The following PIK3C2A variants were observed in gnomAD, a reference collection of about 807,000 sequenced individuals.
PIK3C2A encodes the protein phosphatidylinositol-4-phosphate 3-kinase catalytic subunit type 2 alpha.
PIK3C2A carries 97 observed loss-of-function variants against 204.5 expected under a neutral mutation model. The observed-to-expected ratio is 0.47, with a 90% CI of 0.40 to 0.56. The LOEUF is 0.56. Ranked by LOEUF, PIK3C2A falls within the 20% of genes least tolerant of loss-of-function variation. PIK3C2A has a pLI of 0.00. For synonymous variants in PIK3C2A, 653 were observed against 664.4 expected (o/e 0.98, Z 0.26); for missense variants, 1,735 against 1,969.2 (o/e 0.88, Z 2.25).
At chr11:17,091,793 T>C (rs1848318037) in intron 30 of PIK3C2A, 137 bp from the exon 31 acceptor site, 1 of 666,418 alleles carries the variant, frequency 1.5e-6, no homozygotes, top group Non-Finnish European at 2.6e-6. Context: ...AACAACCTGA[T>C]AGGTCATTGA....
intron 12 of PIK3C2A, among the ~76,000 whole-genome samples, chr11:17,130,883 G>T (rs1021940494): frequency 1.3e-5 from 2 of 151,452 alleles, no homozygotes; most frequent in African/African-American, 4.9e-5. Flanking sequence ...CTTGTACATG[G>T]ATTTAAGATA....
intron 1 of PIK3C2A, among the ~76,000 whole-genome samples, chr11:17,170,046 C>G (rs760054601): frequency 7.2e-5 from 11 of 152,174 alleles, no homozygotes; most frequent in Non-Finnish European, 1.3e-4. Flanking sequence ...AACTGGAAAG[C>G]TGGCACAGTA....
rs1408176510 is a variant in PIK3C2A at position 17,119,793 on chromosome 11, C to A, written c.2839G>T (p.Asp947Tyr). The change falls in exon 16 of 33, where the codon GAT (aspartate) becomes TAT (tyrosine). Residue 947 changes from aspartate (D) to tyrosine (Y), a missense_variant. Physicochemically the swap from Asp to Tyr is radical, Grantham distance 160 (BLOSUM62 -3). This residue lies in a region of PIK3C2A where 567 missense variants were observed against 576.0 expected (regional missense o/e 0.98). Transcript: ENST00000691414. ...LYPLIALELLDSKFADQEVRS... is the reference protein window; with the variant it reads ...LYPLIALELLYSKFADQEVRS... ...TAAATGTATTTGACTTACTTTGAATCAAGAAGTTCCAATGCAATTAGTGGG... is the reference window on the plus strand; with the variant it reads ...TAAATGTATTTGACTTACTTTGAATAAAGAAGTTCCAATGCAATTAGTGGG... 6.5e-7 allele frequency: 1 copy of A among 1,535,944 alleles called. No homozygotes were observed. Among genetic ancestry groups the A allele is most frequent in the Non-Finnish European group, 8.7e-7 (1 of 1,144,344 alleles).
chr11:17,145,302 C>T (rs528061169), intron 8 of PIK3C2A, among the ~76,000 whole-genome samples: 65 of 152,254 alleles, frequency 4.3e-4, no homozygotes, highest in African/African-American at 1.5e-3. Context: ...ATAATCCCCA[C>T]GTGTCAAGGG....
intron 3 of PIK3C2A, among the ~76,000 whole-genome samples, chr11:17,150,962 C>T (rs1314889617): frequency 6.6e-6 from 1 of 152,180 alleles, no homozygotes; most frequent in African/African-American, 2.4e-5. Flanking sequence ...GCTTAAAAAT[C>T]TTTTGCCACA....
intron 21 of PIK3C2A, among the ~76,000 whole-genome samples, chr11:17,111,021 C>A (rs901743716): frequency 1.3e-5 from 2 of 152,082 alleles, no homozygotes; most frequent in Non-Finnish European, 2.9e-5. Context: ...GATTCTCCTG[C>A]CTCAGCCTCC....
chr11:17,203,670 C>A (rs1310988812), intron 1 of PIK3C2A, among the ~76,000 whole-genome samples: 4 of 152,012 alleles, frequency 2.6e-5, no homozygotes, highest in African/African-American at 7.3e-5. Context: ...GCCTCTAGAT[C>A]TTTTTTGTGG....
intron 12 of PIK3C2A, 89 bp downstream of exon 12, chr11:17,131,827 G>T: frequency 1.0e-6 from 1 of 975,894 alleles, no homozygotes; most frequent in Non-Finnish European, 1.6e-6. Flanking sequence ...AATGAAAATT[G>T]CAATAAAAAT....
At chr11:17,121,845 C>T (rs531822503) in intron 15 of PIK3C2A, among the ~76,000 whole-genome samples, 154 of 151,806 alleles carry the variant, frequency 1.0e-3, no homozygotes, top group African/African-American at 3.5e-3. Context: ...AAGTTCCTTA[C>T]GGTTAAAAAA....
intron 19 of PIK3C2A, among the ~76,000 whole-genome samples, chr11:17,116,691 G>A (rs1849204970): frequency 6.6e-6 from 1 of 151,668 alleles, no homozygotes. Context: ...CCGGGTTCAC[G>A]CCATTCTCCT....
intron 24 of PIK3C2A, among the ~76,000 whole-genome samples, chr11:17,101,949 A>T (rs1394152133): frequency 1.3e-5 from 2 of 152,134 alleles, no homozygotes; most frequent in Non-Finnish European, 2.9e-5. Context: ...TAATCTCATT[A>T]TTTAGAGAGA....
chr11:17,089,541 A>C lies in PIK3C2A; in HGVS notation c.*197T>G, dbSNP rs1848235203. 2 of 477,900 alleles carry C rather than the reference A, an allele frequency of 4.2e-6. No homozygotes were observed. Among genetic ancestry groups the C allele is most frequent in the Non-Finnish European group, 3.7e-6 (1 of 270,108 alleles). The allele number at this position is 477,900 out of a possible 1,614,324, so 29.6% of individuals were successfully genotyped here. On this transcript the variant is annotated 3_prime_UTR_variant, in exon 33 of 33. Transcript: ENST00000691414. ...AAACAGCAATGGCTTCCAAAAATTC[A>C]AAAAGGTTAGTTATGTGACTGTTGG...
intron 1 of PIK3C2A, among the ~76,000 whole-genome samples, chr11:17,179,884 T>C (rs1436323034): frequency 6.6e-6 from 1 of 152,188 alleles, no homozygotes; most frequent in Admixed American, 6.5e-5. Context: ...TCACTGGGAT[T>C]ACAGTGTGAA....
chr11:17,163,199 G>T (rs182276818), intron 2 of PIK3C2A, among the ~76,000 whole-genome samples: 1 of 151,974 alleles, frequency 6.6e-6, no homozygotes, highest in Non-Finnish European at 1.5e-5. Flanking sequence ...CCAGCTACTC[G>T]GGAAGCTGAG....
At chr11:17,196,208 T>C (rs1008238538) in intron 1 of PIK3C2A, among the ~76,000 whole-genome samples, 2 of 152,152 alleles carry the variant, frequency 1.3e-5, no homozygotes, top group African/African-American at 4.8e-5. Context: ...CAATAAAAAC[T>C]TTTTTAATTA....
intron 1 of PIK3C2A, among the ~76,000 whole-genome samples, chr11:17,203,202 C>T (rs1315466333): frequency 6.6e-6 from 1 of 151,916 alleles, no homozygotes; most frequent in Non-Finnish European, 1.5e-5. Flanking sequence ...ATTAGAAAAA[C>T]AGACTGCAGG....
At chr11:17,176,065 G>A in intron 1 of PIK3C2A, among the ~76,000 whole-genome samples, 1 of 150,942 alleles carries the variant, frequency 6.6e-6, no homozygotes, top group East Asian at 1.9e-4. Flanking sequence ...GTGCAATGGT[G>A]CGATCTCGGT....
Position 17,102,527 on chromosome 11 carries a change from G to A in PIK3C2A, c.3851+135C>T, listed in dbSNP as rs1848673048. 14 of 642,932 alleles carry A rather than the reference G, an allele frequency of 2.2e-5. No homozygotes were observed. The South Asian group carries it at 2.6e-4, about 12-fold the overall frequency. 39.8% of individuals were successfully genotyped at this position (642,932 alleles called of 1,614,324 possible). On this transcript the variant is annotated intron_variant, in intron 24 of 32. Transcript: ENST00000691414. Reference sequence around the variant, plus strand: ...ACATTCTTGTCTACTATGTGGTATGGTCATATCTTTGGGCCTTTTTCATTC... The same window carrying A: ...ACATTCTTGTCTACTATGTGGTATGATCATATCTTTGGGCCTTTTTCATTC...
At chr11:17,095,135 G>C (rs538416194) in intron 27 of PIK3C2A, among the ~76,000 whole-genome samples, 38 of 152,238 alleles carry the variant, frequency 2.5e-4, no homozygotes, top group Non-Finnish European at 4.4e-4. Context: ...TGTAGCCCCA[G>C]CTACTTGGGA....
Sources: allele counts gnomAD v4.1 joint callset (sites outside exome capture counted in the v4.1 genomes callset), GRCh38; gene constraint gnomAD v4.1.1; regional missense constraint gnomAD v4.1.1; transcripts MANE v1.5; gene names NCBI Gene and HGNC (gene_info 2026-07-23, HGNC 2026-07-21).